STAG1: variants seen among roughly 807,000 people sequenced by gnomAD.
The protein encoded by STAG1 is cohesin subunit SA-1.
A neutral mutation model predicts 170.9 loss-of-function variants in STAG1; 26 were observed. The observed-to-expected ratio is 0.15, with a 90% CI of 0.11 to 0.21. The LOEUF (loss-of-function observed/expected upper bound fraction) is 0.21. Ranked by LOEUF, STAG1 falls within the 10% of genes least tolerant of loss-of-function variation. STAG1 has a pLI of 1.00. For synonymous variants in STAG1, 514 were observed against 497.7 expected (o/e 1.03, Z -0.44); for missense variants, 964 against 1,509.5 (o/e 0.64, Z 5.99).
chr3:136,520,113 T>C (rs1934597452), intron 7 of STAG1, among the ~76,000 whole-genome samples: 2 of 152,144 alleles, frequency 1.3e-5, no homozygotes, highest in Non-Finnish European at 2.9e-5. Context: ...ACTCCAGTTA[T>C]TATCTTATTG....
At chr3:136,521,008 G>A (rs764415221) in intron 7 of STAG1, among the ~76,000 whole-genome samples, 7 of 152,062 alleles carry the variant, frequency 4.6e-5, no homozygotes, top group Non-Finnish European at 7.4e-5. Context: ...GACATTTGAT[G>A]ACACTGGCCA....
chr3:136,349,431 A>T (rs1936352162), intron 28 of STAG1, 68 bp from the exon 29 acceptor site: 2 of 1,181,428 alleles, frequency 1.7e-6, no homozygotes, highest in Non-Finnish European at 2.5e-6. Context: ...CTTTTTCTTA[A>T]TCTGAGGCTC....
chr3:136,435,931 G>A (rs1385010383), intron 15 of STAG1, among the ~76,000 whole-genome samples: 1 of 152,052 alleles, frequency 6.6e-6, no homozygotes, highest in Non-Finnish European at 1.5e-5. Flanking sequence ...GCCTACCAAA[G>A]CACGGGGATT....
At chr3:136,443,426 T>A in intron 14 of STAG1, 22 bp from the exon 15 acceptor site, 1 of 1,491,164 alleles carries the variant, frequency 6.7e-7, no homozygotes, top group Non-Finnish European at 9.3e-7. Context: ...AAATCAAGTG[T>A]GACCAAAGAA....
At chr3:136,656,154 C>T (rs547615515) in intron 1 of STAG1, among the ~76,000 whole-genome samples, 9 of 148,762 alleles carry the variant, frequency 6.0e-5, no homozygotes, top group East Asian at 1.9e-4. Context: ...ATTAGCGAGT[C>T]GCAAAAAAAT....
chr3:136,431,466 T>A (rs2088302939), intron 16 of STAG1, among the ~76,000 whole-genome samples: 1 of 151,784 alleles, frequency 6.6e-6, no homozygotes, highest in Non-Finnish European at 1.5e-5. Flanking sequence ...AGAGATAGGG[T>A]TTCCCATGTT....
intron 3 of STAG1, among the ~76,000 whole-genome samples, chr3:136,614,943 T>A (rs943823387): frequency 6.6e-6 from 1 of 152,090 alleles, no homozygotes; most frequent in African/African-American, 2.4e-5. Context: ...AATTAAAAGA[T>A]AAAGAGATAA....
rs1308030872 is a variant in STAG1, at chr3:136,336,302, A to C, written c.*1952T>G. The C allele has an allele frequency of 2.6e-5, 4 of 152,180 alleles. No homozygotes were observed. The highest frequency in any genetic ancestry group is 6.5e-5 in the Admixed American group (1 of 15,278). The allele number at this position is 152,180 out of a possible 1,614,324, so 9.4% of individuals were successfully genotyped here. A position where few individuals can be genotyped will look rare whatever the true frequency, so the allele number is the denominator to read the frequency against. ...TTCAAATTGTACAAAAGGAAAAAAA[A>C]CCTCATATTGCAAATGTACAATTTA... On this transcript the variant is annotated 3_prime_UTR_variant, in exon 34 of 34. Coordinates refer to ENST00000383202, the MANE Select transcript of STAG1 (RefSeq NM_005862.3).
At chr3:136,487,933 G>A (rs2090049385) in intron 9 of STAG1, among the ~76,000 whole-genome samples, 1 of 152,204 alleles carries the variant, frequency 6.6e-6, no homozygotes, top group African/African-American at 2.4e-5. Context: ...AGCTCCATGT[G>A]ATGAGTAACT....
chr3:136,707,590 G>A (rs910661520), intron 1 of STAG1, among the ~76,000 whole-genome samples: 9 of 109,480 alleles, frequency 8.2e-5, no homozygotes, highest in Admixed American at 5.7e-4. Context: ...TCATGGTTCT[G>A]CAGCCTGAGA....
At chr3:136,472,874 T>C (rs1166327177) in intron 11 of STAG1, among the ~76,000 whole-genome samples, 1 of 152,176 alleles carries the variant, frequency 6.6e-6, no homozygotes, top group African/African-American at 2.4e-5. Context: ...TATGGGTTTA[T>C]TTAAAGAACA....
At chr3:136,396,464 G>A (rs1047101781) in intron 22 of STAG1, among the ~76,000 whole-genome samples, 2 of 140,746 alleles carry the variant, frequency 1.4e-5, no homozygotes, top group African/African-American at 5.5e-5. Context: ...CTTGTGATCC[G>A]CCCACCTCGG....
At chr3:136,519,621 A>C (rs2107902191) in intron 7 of STAG1, among the ~76,000 whole-genome samples, 1 of 152,196 alleles carries the variant, frequency 6.6e-6, no homozygotes, top group Non-Finnish European at 1.5e-5. Flanking sequence ...GTAAGACGAA[A>C]AGGAACAGAA....
rs763014557 is a variant in STAG1, at chr3:136,336,691, G to A, written c.*1563C>T. 2.0e-5 allele frequency: 3 copies of A among 152,170 alleles called. No individual in the cohort carries two copies. Among genetic ancestry groups the A allele is most frequent in the Non-Finnish European group, 4.4e-5 (3 of 68,036 alleles). The allele number at this position is 152,170 out of a possible 1,614,324, so 9.4% of individuals were successfully genotyped here. On this transcript the variant is annotated 3_prime_UTR_variant, in exon 34 of 34. Transcript: ENST00000383202. Reference sequence around the variant, plus strand: ...CTGAATTAGCAGAGAAGATATTTTTGGTGACCAGGTTTTTTTCAGAACTGT... The same window carrying A: ...CTGAATTAGCAGAGAAGATATTTTTAGTGACCAGGTTTTTTTCAGAACTGT...
In STAG1 at chr3:136,604,439, T is replaced by G. The variant is rs771416824; in HGVS notation, c.167A>C (p.Glu56Ala). The change falls in exon 4 of 34, where the codon GAG becomes GCG. Residue 56 changes from glutamate to alanine, a missense_variant. Coordinates refer to ENST00000383202, the MANE Select transcript of STAG1 (RefSeq NM_005862.3). The stretch of plus-strand genomic sequence containing the variant: ...AATTCCAGCTTCAATTCTGCTCTTC[T>G]CACCTGGAGATTTTCGAGGTTTCTT... Reference protein sequence around the residue: ...TNKKPRKSPGEKSRIEAGIRG... With the variant: ...TNKKPRKSPGAKSRIEAGIRG... The G allele has an allele frequency of 6.2e-7, 1 of 1,607,122 alleles. No homozygotes were observed. The highest frequency in any genetic ancestry group is 8.5e-7 in the Non-Finnish European group (1 of 1,178,116).
intron 12 of STAG1, among the ~76,000 whole-genome samples, chr3:136,465,204 C>T (rs2089416994): frequency 6.7e-6 from 1 of 149,042 alleles, no homozygotes; most frequent in African/African-American, 2.5e-5. Context: ...AAATAAAATG[C>T]TCACAATTCT....
chr3:136,490,694 T>C (rs963383382), intron 9 of STAG1, among the ~76,000 whole-genome samples: 5 of 152,208 alleles, frequency 3.3e-5, no homozygotes, highest in Admixed American at 3.3e-4. Flanking sequence ...TAATAGTTTG[T>C]TCAGAATAAA....
At chr3:136,738,067 C>G (rs1934446785) in intron 1 of STAG1, among the ~76,000 whole-genome samples, 1 of 151,824 alleles carries the variant, frequency 6.6e-6, no homozygotes, top group African/African-American at 2.4e-5. Context: ...GACTCTGTCT[C>G]AAAAAATAAA....
At chr3:136,411,869 C>T (rs777843846) in intron 21 of STAG1, among the ~76,000 whole-genome samples, 5 of 149,152 alleles carry the variant, frequency 3.4e-5, no homozygotes, top group Admixed American at 2.0e-4. Context: ...TGCTTGAACC[C>T]GGGAGGCGGA....
Sources: gnomAD v4.1 joint callset for allele counts (sites outside exome capture counted in the v4.1 genomes callset) on GRCh38, gnomAD v4.1.1 for gene constraint, MANE v1.5 for transcripts, NCBI Gene and HGNC (gene_info 2026-07-23, HGNC 2026-07-21) for gene names.